USP3: variants seen among roughly 807,000 people sequenced by gnomAD.
The protein encoded by USP3 is ubiquitin carboxyl-terminal hydrolase 3.
Under a neutral mutation model 72.3 loss-of-function variants are expected in USP3, and 20 were observed. That is an observed-to-expected ratio of 0.28 (90% confidence interval 0.19 to 0.40). The LOEUF (loss-of-function observed/expected upper bound fraction) is 0.40. Among genes scored for constraint, USP3 ranks in the 10% least tolerant of loss-of-function variants. USP3 has a pLI of 1.00. For synonymous variants in USP3, 222 were observed against 225.3 expected (o/e 0.99, Z 0.13); for missense variants, 479 against 633.9 (o/e 0.76, Z 2.62).
At chr15:63,555,684 C>T (rs983310156) in intron 4 of USP3, among the ~76,000 whole-genome samples, 1 of 152,148 alleles carries the variant, frequency 6.6e-6, no homozygotes, top group Non-Finnish European at 1.5e-5. Context: ...TTACCTTCCC[C>T]ACTTCACAGA....
chr15:63,527,148 T>G (rs2065994953), intron 1 of USP3, among the ~76,000 whole-genome samples: 1 of 152,188 alleles, frequency 6.6e-6, no homozygotes, highest in Non-Finnish European at 1.5e-5. Context: ...CCTCCCACCT[T>G]GGCCTCCCAA....
intron 11 of USP3, among the ~76,000 whole-genome samples, chr15:63,580,974 A>G (rs1472859955): frequency 6.6e-6 from 1 of 151,726 alleles, no homozygotes; most frequent in Non-Finnish European, 1.5e-5. Flanking sequence ...ATGCCCAGCT[A>G]ATTTTTGTAC....
chr15:63,584,603 A>T (rs1369854252), intron 11 of USP3, among the ~76,000 whole-genome samples: 1 of 152,112 alleles, frequency 6.6e-6, no homozygotes. Context: ...AGTCTATTAA[A>T]GTCCTTTCCC....
intron 6 of USP3, 109 bp downstream of exon 6, chr15:63,558,297 T>TA (rs2066545250): frequency 8.3e-7 from 1 of 1,201,832 alleles, no homozygotes; most frequent in East Asian, 2.4e-5. Context: ...TGGAGCAAGA[T>TA]ACCTTAATTT....
In USP3 at chr15:63,588,736, C is replaced by T; in HGVS notation, c.1250C>T (p.Thr417Ile). 6.2e-7 allele frequency: 1 copy of T among 1,613,998 alleles called. No individual in the cohort carries two copies. Among genetic ancestry groups the T allele is most frequent in the Non-Finnish European group, 8.5e-7 (1 of 1,179,894 alleles). Residue 417 changes from threonine to isoleucine, a missense_variant, in exon 13 of 15, where the codon ACA (threonine) becomes ATA (isoleucine). Coordinates refer to ENST00000380324, the MANE Select transcript of USP3 (RefSeq NM_006537.4). The surrounding 1 kb of genome is among the most constrained non-coding windows in gnomAD (Gnocchi z 4.6). ...TTACATTTGAAAAGATTTCATTGGA[C>T]AGCATATTTAAGAAATAAAGTTGAT... ...LCLHLKRFHW[T>I]AYLRNKVDTY... is the part of the protein sequence containing the mutation.
intron 11 of USP3, among the ~76,000 whole-genome samples, chr15:63,581,323 ATATG>A (rs2066953841): frequency 6.6e-6 from 1 of 150,554 alleles, no homozygotes; most frequent in Non-Finnish European, 1.5e-5. Context: ...CCATGTGTTT[ATATG>A]TATGTTTGTG....
Position 63,559,992 on chromosome 15 carries a change from T to C in USP3, c.647+22T>C, listed in dbSNP as rs536940896. The C allele has an allele frequency of 2.5e-6, 4 of 1,596,088 alleles. No individual in the cohort carries two copies. In the South Asian group the frequency reaches 4.5e-5, roughly 18 times the overall value. On this transcript the variant is annotated intron_variant, in intron 7 of 14. Transcript: ENST00000380324. ...ATGTGTGAGTTATAAGAGTATGTCC[T>C]TTCTGGCTTTGAGTTACAAAACAAA...
chr15:63,542,581 T>A (rs915163552), intron 3 of USP3, among the ~76,000 whole-genome samples: 5 of 152,090 alleles, frequency 3.3e-5, no homozygotes, highest in African/African-American at 7.2e-5. Context: ...TATGAACATA[T>A]TCATTATTAA....
intron 3 of USP3, chr15:63,541,942 T>TA: frequency 2.2e-6 from 1 of 453,292 alleles, no homozygotes; most frequent in Non-Finnish European, 2.9e-6. Context: ...GTATTAGTGT[T>TA]ATGCATGGCT....
rs532242914 is a variant in USP3, at chr15:63,555,660, A to T, written c.369-1007A>T. Among the ~76,000 whole-genome samples, 6 of 152,316 alleles carry T rather than the reference A, an allele frequency of 3.9e-5. No homozygotes were observed. In the South Asian group the frequency reaches 1.2e-3, roughly 32 times the overall value. ...AGGCATTGTCATAAAGAGCATATAT[A>T]CTATGCTTGTGGTTTACCTTCCCCA... On this transcript the variant is annotated intron_variant, in intron 4 of 14. Coordinates refer to ENST00000380324, the MANE Select transcript of USP3 (RefSeq NM_006537.4).
At chr15:63,567,341 ATTTTTTTT>A (rs1276442905) in intron 8 of USP3, among the ~76,000 whole-genome samples, 1 of 119,550 alleles carries the variant, frequency 8.4e-6, no homozygotes, top group African/African-American at 3.1e-5. Flanking sequence ...TGCCTGGCTA[ATTTTTTTT>A]TTTTTTTTTT....
At chr15:63,554,964 A>T (rs948662351) in intron 4 of USP3, among the ~76,000 whole-genome samples, 2 of 152,222 alleles carry the variant, frequency 1.3e-5, no homozygotes, top group East Asian at 3.8e-4. Flanking sequence ...CACAATAAAC[A>T]TGAAGTCTGA....
At position 63,528,658 on chromosome 15, in the gene USP3, A is replaced by G. The variant is rs189616041; in HGVS notation, c.92-3989A>G. On this transcript the variant is annotated intron_variant, in intron 1 of 14. Transcript: ENST00000380324. This position sits in a 1 kb window ranked among gnomAD's most constrained non-coding sequence, Gnocchi z 4.3. ...TTACAGACGACCCTGGAAACCTTTAATACTGTTTCCATGGGAAATGTGTTT... is the reference window on the plus strand; with the variant it reads ...TTACAGACGACCCTGGAAACCTTTAGTACTGTTTCCATGGGAAATGTGTTT... 1.3e-3 allele frequency among the ~76,000 whole-genome samples: 204 copies of G among 152,298 alleles called. 3 individuals carry two copies. Among genetic ancestry groups the G allele is most frequent in the African/African-American group, 4.7e-3 (195 of 41,560 alleles).
intron 8 of USP3, among the ~76,000 whole-genome samples, chr15:63,568,227 C>T (rs1265889395): frequency 6.6e-6 from 1 of 152,010 alleles, no homozygotes; most frequent in Non-Finnish European, 1.5e-5. Flanking sequence ...TGGCACGTGC[C>T]TGTAATCCCA....
rs201111400 is a variant in USP3, at chr15:63,581,547, CTAATTTTTTT to C, written c.1097-6756_1097-6747del. On this transcript the variant is annotated intron_variant, in intron 11 of 14. Coordinates refer to ENST00000380324, the MANE Select transcript of USP3 (RefSeq NM_006537.4). ...ACAGGTGTGCAGCCACCACACCCGG[CTAATTTTTTT>C]TTTTTTTTTTTTTTTGGATTTTTGG... Among the ~76,000 whole-genome samples, 1,167 of 128,016 alleles carry C rather than the reference CTAATTTTTTT, an allele frequency of 9.1e-3. 18 individuals carry two copies. Among genetic ancestry groups the C allele is most frequent in the African/African-American group, 0.033 (1,090 of 33,436 alleles). 84.0% of individuals were successfully genotyped at this position (128,016 alleles called of 152,430 possible).
intron 5 of USP3, 132 bp from the exon 6 acceptor site, chr15:63,557,974 T>A (rs1288885988): frequency 2.6e-6 from 2 of 758,140 alleles, no homozygotes; most frequent in African/African-American, 3.5e-5. Context: ...TTTGAAATAT[T>A]CATTGGACAG....
Position 63,529,506 on chromosome 15 carries a change from T to G in USP3, c.92-3141T>G, listed in dbSNP as rs899778670. On this transcript the variant is annotated intron_variant, in intron 1 of 14. Transcript: ENST00000380324. The surrounding 1 kb of genome is among the most constrained non-coding windows in gnomAD (Gnocchi z 4.2). Reference sequence around the variant, plus strand: ...TGACCCCCTCAGTCTTAGAGTTTTTTGGTTTTTTAAAATGTGTTATTGAAT... The same window carrying G: ...TGACCCCCTCAGTCTTAGAGTTTTTGGGTTTTTTAAAATGTGTTATTGAAT... Among the ~76,000 whole-genome samples the G allele has an allele frequency of 1.3e-5, 2 of 152,218 alleles. No individual in the cohort carries two copies. The highest frequency in any genetic ancestry group is 2.4e-5 in the African/African-American group (1 of 41,450).
At chr15:63,560,533 G>A (rs975131189) in intron 7 of USP3, among the ~76,000 whole-genome samples, 2 of 152,026 alleles carry the variant, frequency 1.3e-5, no homozygotes, top group African/African-American at 2.4e-5. Flanking sequence ...ATCTAGATAT[G>A]AAGTGCAGTT....
At chr15:63,513,896 TAG>T (rs1381426504) in intron 1 of USP3, among the ~76,000 whole-genome samples, 1 of 152,236 alleles carries the variant, frequency 6.6e-6, no homozygotes, top group Non-Finnish European at 1.5e-5. Flanking sequence ...CTGTATAATA[TAG>T]AGACTGTGGG....
Sources: gnomAD v4.1 joint callset for allele counts (sites outside exome capture counted in the v4.1 genomes callset) on GRCh38, gnomAD v4.1.1 for gene constraint, Gnocchi (gnomAD v3.1) non-coding constraint, MANE v1.5 for transcripts, NCBI Gene and HGNC (gene_info 2026-07-23, HGNC 2026-07-21) for gene names.